LRBA: variants seen among roughly 807,000 people sequenced by gnomAD.
The protein encoded by LRBA is lipopolysaccharide-responsive and beige-like anchor protein.
A neutral mutation model predicts 330.0 loss-of-function variants in LRBA; 176 were observed. The observed-to-expected ratio is 0.53, with a 90% CI of 0.47 to 0.60. The LOEUF is 0.60. Ranked by LOEUF, LRBA falls within the 20% of genes least tolerant of loss-of-function variation. LRBA has a pLI of 0.00. For missense variants in LRBA, 3,259 were observed against 3,444.8 expected, an observed-to-expected ratio of 0.95 and a Z score of 1.35; for synonymous variants, 1,230 against 1,193.0, an observed-to-expected ratio of 1.03 and a Z score of -0.64.
intron 2 of LRBA, among the ~76,000 whole-genome samples, chr4:150,933,229 A>C (rs1734702712): frequency 1.3e-5 from 2 of 151,942 alleles, no homozygotes; most frequent in African/African-American, 4.8e-5. Flanking sequence ...CTCTACTAAA[A>C]ATACAAAAAT....
chr4:150,835,799 C>T (rs1747954374), intron 28 of LRBA, among the ~76,000 whole-genome samples: 1 of 152,170 alleles, frequency 6.6e-6, no homozygotes, highest in Non-Finnish European at 1.5e-5. Flanking sequence ...TTCTTTCTTT[C>T]TCCTGACGGA....
In LRBA at chr4:150,620,007, C is replaced by T. The variant is rs75241223; in HGVS notation, c.5922-20876G>A. Among the ~76,000 whole-genome samples the T allele has an allele frequency of 5.0e-3, 753 of 152,116 alleles. 18 individuals are homozygous for T. Among genetic ancestry groups the T allele is most frequent in the Admixed American group, 0.039 (602 of 15,266 alleles). ...TTCCTAAATGAATGTAATTTAACTA[C>T]AAAAAATTTATTGTATTCCTATTAT... On this transcript the variant is annotated intron_variant, in intron 37 of 56. Coordinates refer to ENST00000651943, the MANE Select transcript of LRBA (RefSeq NM_001364905.1).
At chr4:150,899,944 A>C (rs1296361023) in intron 14 of LRBA, 105 bp downstream of exon 14, 10 of 725,844 alleles carry the variant, frequency 1.4e-5, no homozygotes. Context: ...ATAATGGAAT[A>C]TAGAAAAACT....
chr4:150,882,051 A>G (rs1728454906), intron 17 of LRBA, among the ~76,000 whole-genome samples: 2 of 151,910 alleles, frequency 1.3e-5, no homozygotes, highest in African/African-American at 4.8e-5. Flanking sequence ...GAGCCATTGC[A>G]CTCCAGCCTG....
At chr4:150,664,326 A>G (rs1781382418) in intron 37 of LRBA, among the ~76,000 whole-genome samples, 1 of 152,148 alleles carries the variant, frequency 6.6e-6, no homozygotes, top group Non-Finnish European at 1.5e-5. Flanking sequence ...CTCAGAATAG[A>G]CCCTTGAGTT....
At chr4:150,538,813 T>TAAA (rs1390253056) in intron 40 of LRBA, among the ~76,000 whole-genome samples, 1 of 119,974 alleles carries the variant, frequency 8.3e-6, no homozygotes, top group African/African-American at 3.3e-5. Context: ...AGGCCCTGTC[T>TAAA]CAAAAAAAAA....
chr4:150,955,753 G>A (rs1737477696), intron 2 of LRBA, among the ~76,000 whole-genome samples: 1 of 148,364 alleles, frequency 6.7e-6, no homozygotes, highest in South Asian at 2.1e-4. Flanking sequence ...TTACCCAGGT[G>A]GGGTGGTGGG....
chr4:150,832,927 A>T (rs1215755688), intron 28 of LRBA, among the ~76,000 whole-genome samples: 1 of 151,926 alleles, frequency 6.6e-6, no homozygotes, highest in Non-Finnish European at 1.5e-5. Context: ...ACACCACCAC[A>T]TCCAGCTAAT....
At chr4:150,811,933 C>T (rs759773163) in intron 31 of LRBA, among the ~76,000 whole-genome samples, 6 of 152,052 alleles carry the variant, frequency 3.9e-5, no homozygotes, top group Non-Finnish European at 8.8e-5. Flanking sequence ...AGAAGTAATG[C>T]CAATTTTCAA....
At chr4:150,758,521 C>T (rs958026497) in intron 35 of LRBA, among the ~76,000 whole-genome samples, 5 of 151,904 alleles carry the variant, frequency 3.3e-5, no homozygotes, top group Admixed American at 6.6e-5. Flanking sequence ...TCCCAGTCAC[C>T]ATCATGTTTA....
At chr4:150,504,139 C>G (rs1277350114) in intron 40 of LRBA, among the ~76,000 whole-genome samples, 5 of 152,138 alleles carry the variant, frequency 3.3e-5, no homozygotes, top group Non-Finnish European at 5.9e-5. Flanking sequence ...AAGTGATGGG[C>G]AGAATGGAAC....
intron 2 of LRBA, among the ~76,000 whole-genome samples, chr4:150,973,773 A>T (rs1250065983): frequency 1.3e-5 from 2 of 152,204 alleles, no homozygotes; most frequent in Non-Finnish European, 2.9e-5. Flanking sequence ...CGAGAAGATC[A>T]CTTCAGCCCA....
intron 37 of LRBA, among the ~76,000 whole-genome samples, chr4:150,642,811 A>G (rs1016467216): frequency 6.6e-6 from 1 of 151,954 alleles, no homozygotes; most frequent in African/African-American, 2.4e-5. Flanking sequence ...TGTTTTATAT[A>G]GCAAATGTTG....
At chr4:150,985,883 C>T (rs1181065423) in intron 2 of LRBA, among the ~76,000 whole-genome samples, 1 of 152,068 alleles carries the variant, frequency 6.6e-6, no homozygotes, top group Admixed American at 6.5e-5. Flanking sequence ...GTTAAAAATC[C>T]AAATGATTCT....
At chr4:150,834,818 T>C (rs752767210) in intron 28 of LRBA, among the ~76,000 whole-genome samples, 5 of 152,090 alleles carry the variant, frequency 3.3e-5, no homozygotes, top group Non-Finnish European at 7.4e-5. Context: ...CTTCTTCCAA[T>C]AAAAGGTGTT....
chr4:150,605,508 C>T (rs1774532704), intron 37 of LRBA, among the ~76,000 whole-genome samples: 1 of 152,074 alleles, frequency 6.6e-6, no homozygotes, highest in Non-Finnish European at 1.5e-5. Context: ...TTTCACATTG[C>T]CTGTTTTTTA....
At chr4:150,414,524 TG>T (rs1441425463) in intron 47 of LRBA, among the ~76,000 whole-genome samples, 1 of 152,178 alleles carries the variant, frequency 6.6e-6, no homozygotes, top group African/African-American at 2.4e-5. Context: ...AGAGTTTCAC[TG>T]TGTCACCCAG....
chr4:150,672,345 ATT>A, intron 37 of LRBA, among the ~76,000 whole-genome samples: 1 of 150,700 alleles, frequency 6.6e-6, no homozygotes, highest in Middle Eastern at 3.4e-3. Flanking sequence ...TAAAGTTTCG[ATT>A]TTTTCTTTTT....
At chr4:150,405,517 T>C (rs1746073698) in intron 47 of LRBA, among the ~76,000 whole-genome samples, 1 of 152,216 alleles carries the variant, frequency 6.6e-6, no homozygotes, top group African/African-American at 2.4e-5. Context: ...CATTTTGAAA[T>C]GTTTCTATTA....
Sources: gnomAD v4.1 joint callset for allele counts (sites outside exome capture counted in the v4.1 genomes callset) on GRCh38, gnomAD v4.1.1 for gene constraint, MANE v1.5 for transcripts, NCBI Gene and HGNC (gene_info 2026-07-23, HGNC 2026-07-21) for gene names.